The following MACO1 variants were observed in gnomAD, a reference collection of about 807,000 sequenced individuals.
The protein encoded by MACO1 is macoilin 1.
A neutral mutation model predicts 78.7 loss-of-function variants in MACO1; 14 were observed. The observed-to-expected ratio is 0.18, with a 90% CI of 0.12 to 0.28. MACO1 has a LOEUF of 0.28. Ranked by LOEUF, MACO1 falls within the 10% of genes least tolerant of loss-of-function variation. The pLI is 1.00. For synonymous variants in MACO1, 288 were observed against 291.6 expected, an observed-to-expected ratio of 0.99 and a Z score of 0.12; for missense variants, 501 against 799.0, an observed-to-expected ratio of 0.63 and a Z score of 4.50.
In MACO1 at chr1:25,456,687, T is replaced by C. The variant is rs1259254818; in HGVS notation, c.508T>C (p.Phe170Leu). 1 of 1,613,728 alleles carries C rather than the reference T, an allele frequency of 6.2e-7. No homozygotes were observed. The highest frequency in any genetic ancestry group is 8.5e-7 in the Non-Finnish European group (1 of 1,179,836). ...CCCTGTGGTAACTTTGGGGTTTGGC[T>C]TCAAAAGTTACGTAAGCTACAAAAT... Reference protein sequence around the residue: ...GYPVVTLGFGFKSYVSYKMRL... With the variant: ...GYPVVTLGFGLKSYVSYKMRL... Residue 170 changes from phenylalanine (F) to leucine (L), a missense_variant, in exon 5 of 11, where the codon TTC becomes CTC. This residue lies in a region of MACO1 where 171 missense variants were observed against 292.1 expected (regional missense o/e 0.59). Coordinates refer to ENST00000374343, the MANE Select transcript of MACO1 (RefSeq NM_018202.6).
chr1:25,488,076 G>A (rs1571989142), intron 8 of MACO1, among the ~76,000 whole-genome samples: 1 of 152,294 alleles, frequency 6.6e-6, no homozygotes, highest in East Asian at 1.9e-4. Flanking sequence ...TTTTGAGACA[G>A]GATATCATTC....
At chr1:25,452,403 G>A (rs1377293793) in intron 3 of MACO1, among the ~76,000 whole-genome samples, 2 of 152,110 alleles carry the variant, frequency 1.3e-5, no homozygotes, top group South Asian at 2.1e-4. Context: ...TTATTTTGTT[G>A]CAAGTTGCTT....
chr1:25,489,297 AG>A lies in MACO1; in HGVS notation c.1617+10del. On this transcript the variant is annotated splice_donor_5th_base_variant and intron_variant, in intron 9 of 10. Transcript: ENST00000374343. ...AGAACTAGAACTAAAAGTCCAGGTA[AG>A]GGGGGAACAAAAGACTTCCCTTGTA... is the stretch of plus-strand genomic sequence containing the variant. 6.2e-7 allele frequency: 1 copy of A among 1,612,918 alleles called. No homozygotes were observed. Among genetic ancestry groups the A allele is most frequent in the Non-Finnish European group, 8.5e-7 (1 of 1,179,608 alleles).
intron 9 of MACO1, among the ~76,000 whole-genome samples, chr1:25,489,556 A>G (rs754749438): frequency 2.6e-5 from 4 of 152,188 alleles, no homozygotes; most frequent in Non-Finnish European, 4.4e-5. Flanking sequence ...AACTTGCTGT[A>G]GATTCATTTA....
In MACO1 at chr1:25,446,030, A is replaced by G. The variant is rs907897693; in HGVS notation, c.81-732A>G. On this transcript the variant is annotated intron_variant, in intron 1 of 10. Transcript: ENST00000374343. ...ACTGCAGTGGTTACATATGTGTCCT[A>G]ACTGGCTTGTCTGAGTGTTTCTGTT... 3.3e-5 allele frequency among the ~76,000 whole-genome samples: 5 copies of G among 152,288 alleles called. No homozygotes were observed. In the South Asian group the frequency reaches 8.3e-4, roughly 25 times the overall value.
chr1:25,491,464 C>G lies in MACO1; in HGVS notation c.1672C>G (p.Leu558Val). The G allele has an allele frequency of 6.2e-7, 1 of 1,614,250 alleles. No individual in the cohort carries two copies. Among genetic ancestry groups the G allele is most frequent in the Non-Finnish European group, 8.5e-7 (1 of 1,180,038 alleles). Residue 558 changes from leucine to valine, a missense_variant, in exon 10 of 11, where the codon CTC (leucine) becomes GTC (valine). By Grantham distance (32) the Leu-to-Val change is conservative (BLOSUM62 1). Transcript: ENST00000374343. ...GGACACTGAGGTGTTAATGTCAGCC[C>G]TCTCAGCCATGCAAGACAAAACACA... ...EKDTEVLMSA[L>V]SAMQDKTQHL...
At chr1:25,431,256 G>A in intron 1 of MACO1, 78 bp downstream of exon 1, 1 of 1,142,482 alleles carries the variant, frequency 8.8e-7, no homozygotes, top group South Asian at 1.5e-5. Flanking sequence ...GCCCCGTTAT[G>A]TAACCCCGAG....
intron 6 of MACO1, 73 bp from the exon 7 acceptor site, chr1:25,484,043 C>T: frequency 3.2e-5 from 48 of 1,488,464 alleles, no homozygotes; most frequent in Non-Finnish European, 4.3e-5. Flanking sequence ...CAGTCCAGGA[C>T]CCCCACCAGG....
At chr1:25,440,607 A>G (rs1209065475) in intron 1 of MACO1, among the ~76,000 whole-genome samples, 1 of 151,648 alleles carries the variant, frequency 6.6e-6, no homozygotes, top group Non-Finnish European at 1.5e-5. Flanking sequence ...CATCTCTACT[A>G]AAAATACAAA....
rs72871924 is a variant in MACO1, at chr1:25,486,827, C to T, written c.1496+1032C>T. Reference sequence around the variant, plus strand: ...GCCCATCAGCATCTATACAGACTTACAAGGCCCTTGACTAGCCTGCCTACA... The same window carrying T: ...GCCCATCAGCATCTATACAGACTTATAAGGCCCTTGACTAGCCTGCCTACA... On this transcript the variant is annotated intron_variant, in intron 8 of 10. Coordinates refer to ENST00000374343, the MANE Select transcript of MACO1 (RefSeq NM_018202.6). 5.0e-3 allele frequency among the ~76,000 whole-genome samples: 769 copies of T among 152,328 alleles called. 5 individuals are homozygous for T. Among genetic ancestry groups the T allele is most frequent in the African/African-American group, 0.018 (730 of 41,570 alleles).
intron 9 of MACO1, among the ~76,000 whole-genome samples, 158 bp downstream of exon 9, chr1:25,489,451 C>T (rs550615823): frequency 6.6e-6 from 1 of 152,332 alleles, no homozygotes; most frequent in East Asian, 1.9e-4. Flanking sequence ...AAGTTCTAAT[C>T]TTGTCCAGCT....
At chr1:25,484,330 T>C in intron 7 of MACO1, 56 bp downstream of exon 7, 1 of 1,511,458 alleles carries the variant, frequency 6.6e-7, no homozygotes, top group African/African-American at 1.4e-5. Flanking sequence ...CTGCTTCTCC[T>C]GTTGCCAGGG....
intron 3 of MACO1, 77 bp downstream of exon 3, chr1:25,449,011 T>C (rs1406708420): frequency 1.5e-6 from 2 of 1,292,322 alleles, no homozygotes; most frequent in African/African-American, 3.0e-5. Context: ...TTTGAATACA[T>C]TATTTAGAGT....
chr1:25,470,480 C>T (rs1214204598), intron 6 of MACO1, among the ~76,000 whole-genome samples: 1 of 152,190 alleles, frequency 6.6e-6, no homozygotes, highest in Non-Finnish European at 1.5e-5. Flanking sequence ...GTTTAGGAGA[C>T]AGAGCCTGTG....
intron 1 of MACO1, among the ~76,000 whole-genome samples, chr1:25,441,481 G>A (rs1042065998): frequency 3.9e-5 from 6 of 152,078 alleles, no homozygotes; most frequent in African/African-American, 1.2e-4. Context: ...CACTGCTCCC[G>A]GCCTCAACAA....
chr1:25,470,917 A>G (rs184928495), intron 6 of MACO1, among the ~76,000 whole-genome samples: 1 of 152,072 alleles, frequency 6.6e-6, no homozygotes, highest in African/African-American at 2.4e-5. Context: ...AGTCCCAGCT[A>G]CTCAGGAGGC....
In MACO1 at chr1:25,489,305, A is replaced by G. The variant is rs1266127019; in HGVS notation, c.1617+12A>G. 3 of 1,612,426 alleles carry G rather than the reference A, an allele frequency of 1.9e-6. No individual in the cohort carries two copies. The highest frequency in any genetic ancestry group is 2.2e-5 in the South Asian group (2 of 90,954). ...AACTAAAAGTCCAGGTAAGGGGGGA[A>G]CAAAAGACTTCCCTTGTATTTGAAT... On this transcript the variant is annotated intron_variant, in intron 9 of 10. Transcript: ENST00000374343.
chr1:25,466,703 A>G (rs967275992), intron 6 of MACO1, among the ~76,000 whole-genome samples: 3 of 152,234 alleles, frequency 2.0e-5, no homozygotes, highest in Non-Finnish European at 4.4e-5. Flanking sequence ...TCCTTTATCA[A>G]ATGCCTTTTG....
chr1:25,445,081 C>T (rs1386130038), intron 1 of MACO1, among the ~76,000 whole-genome samples: 2 of 148,418 alleles, frequency 1.3e-5, no homozygotes, highest in Non-Finnish European at 3.0e-5. Flanking sequence ...ACAGGAGGAG[C>T]CCAGGAGTTT....
Sources: gnomAD v4.1 joint callset for allele counts (sites outside exome capture counted in the v4.1 genomes callset) on GRCh38, gnomAD v4.1.1 for gene constraint, gnomAD v4.1.1 regional missense constraint, MANE v1.5 for transcripts, NCBI Gene and HGNC (gene_info 2026-07-23, HGNC 2026-07-21) for gene names.